Variants in ITGA2B observed in about 807,000 individuals in gnomAD.
ITGA2B encodes the protein integrin subunit alpha 2b.
Under a neutral mutation model 142.0 loss-of-function variants are expected in ITGA2B, and 91 were observed. That is an observed-to-expected ratio of 0.64 (90% confidence interval 0.54 to 0.76). The LOEUF (loss-of-function observed/expected upper bound fraction) is 0.76. Ranked by LOEUF, ITGA2B falls within the 30% of genes least tolerant of loss-of-function variation. The probability of loss-of-function intolerance (pLI) is 0.00; values close to 1 mark genes in which losing one functional copy is unlikely to be tolerated. For synonymous variants in ITGA2B, 536 were observed against 567.2 expected, an observed-to-expected ratio of 0.94 and a Z score of 0.78; for missense variants, 1,231 against 1,350.8, an observed-to-expected ratio of 0.91 and a Z score of 1.39.
chr17:44,377,558 C>G, intron 21 of ITGA2B, 140 bp downstream of exon 21: 1 of 695,956 alleles, frequency 1.4e-6, no homozygotes, highest in Non-Finnish European at 2.6e-6. Flanking sequence ...GGGAAAGTCA[C>G]TCACCCAAGG....
intron 7 of ITGA2B, 94 bp downstream of exon 7, chr17:44,384,854 G>A (rs1567904973): frequency 6.3e-7 from 1 of 1,588,712 alleles, no homozygotes; most frequent in Non-Finnish European, 8.6e-7. Flanking sequence ...TGGCCGGCAG[G>A]GGTGGCCATG....
chr17:44,382,389 T>C (rs1308159568), intron 12 of ITGA2B, among the ~76,000 whole-genome samples: 1 of 152,112 alleles, frequency 6.6e-6, no homozygotes, highest in African/African-American at 2.4e-5. Context: ...CAATTTTTCA[T>C]CTCCATTCAT....
At chr17:44,389,009 A>G (rs1331058024) in intron 1 of ITGA2B, among the ~76,000 whole-genome samples, 1 of 151,972 alleles carries the variant, frequency 6.6e-6, no homozygotes, top group Non-Finnish European at 1.5e-5. Flanking sequence ...GGTTCATACA[A>G]CTGACCCTTG....
chr17:44,384,335 G>C lies in ITGA2B; in HGVS notation c.867C>G (p.Pro289=), dbSNP rs1047920032. The C allele has an allele frequency of 1.2e-6, 2 of 1,613,640 alleles. No homozygotes were observed. Among genetic ancestry groups the C allele is most frequent in the Non-Finnish European group, 1.7e-6 (2 of 1,179,940 alleles). Residue 289 remains proline (P), a synonymous_variant, in exon 9 of 30, where the codon CCC becomes CCG. Transcript: ENST00000262407. ...LNTTEYVVGA[P]TWSWTLGAVE... ...CCGCTCCCAGGGTCCAGCTCCAAGT[G>C]GGGGCACCGACGACATATTCTGGCG...
intron 25 of ITGA2B, 56 bp downstream of exon 25, chr17:44,375,777 C>T (rs1453616037): frequency 1.3e-6 from 2 of 1,556,858 alleles, no homozygotes; most frequent in Non-Finnish European, 1.7e-6. Context: ...CACAGAGGTG[C>T]CCCGGTGGTT....
At position 44,385,920 on chromosome 17, in the gene ITGA2B, A is replaced by G; in HGVS notation, c.312T>C (p.Arg104=). The change falls in exon 3 of 30, where the codon CGT becomes CGC. Residue 104 remains arginine, a splice_region_variant and synonymous_variant. Transcript: ENST00000262407. The stretch of plus-strand genomic sequence containing the variant: ...GGGAGCCTACATTTCGGGTCTCATC[A>G]CCTGGAAGGCACAAGAAGGGGTGGG... The part of the protein sequence containing the change: ...GQCPSLLFDL[R]DETRNVGSQT... 1 of 1,613,360 alleles carries G rather than the reference A, an allele frequency of 6.2e-7. No homozygotes were observed.
chr17:44,377,225 T>C lies in ITGA2B; in HGVS notation c.2188-137A>G, dbSNP rs1487648945. The C allele has an allele frequency of 8.3e-6, 6 of 719,428 alleles. No homozygotes were observed. The African/African-American group carries it at 1.1e-4, about 13-fold the overall frequency. The allele number at this position is 719,428 out of a possible 1,614,324, so 44.6% of individuals were successfully genotyped here. A position where few individuals can be genotyped will look rare whatever the true frequency, so the allele number is the denominator to read the frequency against. The stretch of plus-strand genomic sequence containing the variant: ...TTTTTTTTTTTTCCGAGACGGAGTC[T>C]CACTCTGTCACCCAGGCTGGAGTGC... On this transcript the variant is annotated intron_variant, in intron 21 of 29. Coordinates refer to ENST00000262407, the MANE Select transcript of ITGA2B (RefSeq NM_000419.5).
chr17:44,384,798 G>C lies in ITGA2B; in HGVS notation c.799+150C>G, dbSNP rs891228942. 41 of 1,387,260 alleles carry C rather than the reference G, an allele frequency of 3.0e-5. No individual in the cohort carries two copies. The African/African-American group carries it at 5.4e-4, about 18-fold the overall frequency. 85.9% of individuals were successfully genotyped at this position (1,387,260 alleles called of 1,614,324 possible). On this transcript the variant is annotated intron_variant, in intron 7 of 29. Coordinates refer to ENST00000262407, the MANE Select transcript of ITGA2B (RefSeq NM_000419.5). Reference sequence around the variant, plus strand: ...GGCGCATGGGAGGTGGGCGGTCTGCGGGGAAGCCGCAGGAGCGGAGGGCGG... The same window carrying C: ...GGCGCATGGGAGGTGGGCGGTCTGCCGGGAAGCCGCAGGAGCGGAGGGCGG...
At chr17:44,374,162 T>TC (rs1196363156) in intron 29 of ITGA2B, 192 bp downstream of exon 29, 2 of 643,842 alleles carry the variant, frequency 3.1e-6, no homozygotes, top group African/African-American at 3.6e-5. Flanking sequence ...CGCTTTGGCC[T>TC]CCCAAAGTGC....
At chr17:44,374,315 T>G in intron 29 of ITGA2B, 39 bp downstream of exon 29, 1 of 1,580,842 alleles carries the variant, frequency 6.3e-7, no homozygotes, top group South Asian at 1.1e-5. Context: ...GAGCCAAGCC[T>G]GTGCCCCGCT....
At position 44,378,435 on chromosome 17, in the gene ITGA2B, C is replaced by T; in HGVS notation, c.2021G>A (p.Gly674Glu). Residue 674 changes from glycine to glutamate, a missense_variant, in exon 20 of 30, where the codon GGG becomes GAG. Gly to Glu is a moderately conservative substitution (Grantham distance 98). Coordinates refer to ENST00000262407, the MANE Select transcript of ITGA2B (RefSeq NM_000419.5). ...LQMDAANEGEGAYEAELAVHL... is the reference protein window; with the variant it reads ...LQMDAANEGEEAYEAELAVHL... The stretch of plus-strand genomic sequence containing the variant: ...CACGGCCAGCTCTGCTTCATAGGCC[C>T]CCTCGCCCTCGTTGGCTGCGTCCAT... The T allele has an allele frequency of 1.2e-6, 2 of 1,613,424 alleles. No individual in the cohort carries two copies. The highest frequency in any genetic ancestry group is 2.2e-5 in the South Asian group (2 of 90,770).
intron 1 of ITGA2B, among the ~76,000 whole-genome samples, chr17:44,388,517 C>T (rs942088081): frequency 2.7e-5 from 4 of 150,414 alleles, no homozygotes; most frequent in African/African-American, 7.3e-5. Context: ...GCACCACGCC[C>T]GGCTAATTTT....
chr17:44,376,040 T>C, intron 24 of ITGA2B, 45 bp downstream of exon 24: 1 of 1,614,108 alleles, frequency 6.2e-7, no homozygotes, highest in Non-Finnish European at 8.5e-7. Flanking sequence ...CCCGGAGTTC[T>C]GAGGACCCGC....
intron 9 of ITGA2B, 25 bp from the exon 10 acceptor site, chr17:44,384,163 C>A: frequency 6.3e-7 from 1 of 1,587,788 alleles, no homozygotes; most frequent in South Asian, 1.1e-5. Flanking sequence ...CAGGCGAGAG[C>A]ATCATTCTTG....
At position 44,375,922 on chromosome 17, in the gene ITGA2B, A is replaced by G; in HGVS notation, c.2512T>C (p.Ser838Pro). Residue 838 changes from serine (S) to proline (P), a missense_variant, in exon 25 of 30, where the codon TCC becomes CCC. Physicochemically the swap from Ser to Pro is moderately conservative, Grantham distance 74. Transcript: ENST00000262407. ...LHLSIHLPGQ[S>P]QPSDLLYILD... ...ATGTAGAGCAGGTCGGAGGGCTGGGACTGTCCCGGAAGGTGGATGCTGAGG... is the reference window on the plus strand; with the variant it reads ...ATGTAGAGCAGGTCGGAGGGCTGGGGCTGTCCCGGAAGGTGGATGCTGAGG... 6.2e-7 allele frequency: 1 copy of G among 1,613,724 alleles called. No homozygotes were observed.
intron 4 of ITGA2B, 50 bp downstream of exon 4, chr17:44,385,501 G>C: frequency 6.5e-7 from 1 of 1,532,790 alleles, no homozygotes. Flanking sequence ...CGATGGGGGC[G>C]GGGCCAAGCC....
rs376428326 is a variant in ITGA2B at position 44,385,473 on chromosome 17, G to A, written c.574+78C>T. 1.4e-5 allele frequency: 22 copies of A among 1,525,302 alleles called. No individual in the cohort carries two copies. The East Asian group carries it at 3.9e-4, about 27-fold the overall frequency. 94.5% of individuals were successfully genotyped at this position (1,525,302 alleles called of 1,614,324 possible). A position where few individuals can be genotyped will look rare whatever the true frequency, so the allele number is the denominator to read the frequency against. ...AGGCCAGATCCAAAGCAAGGGCTGC[G>A]GCGCTGGGGGCGGGATCCGATGGGG... On this transcript the variant is annotated intron_variant, in intron 4 of 29. Transcript: ENST00000262407.
At chr17:44,385,498 G>T in intron 4 of ITGA2B, 53 bp downstream of exon 4, 1 of 1,532,388 alleles carries the variant, frequency 6.5e-7, no homozygotes, top group Non-Finnish European at 8.7e-7. Context: ...ATCCGATGGG[G>T]GCGGGGCCAA....
intron 12 of ITGA2B, among the ~76,000 whole-genome samples, chr17:44,381,947 CCTT>C (rs2048601201): frequency 6.6e-6 from 1 of 152,122 alleles, no homozygotes; most frequent in African/African-American, 2.4e-5. Flanking sequence ...CTATTTCTAG[CCTT>C]CTCCATTCCA....
Sources: allele counts gnomAD v4.1 joint callset (sites outside exome capture counted in the v4.1 genomes callset), GRCh38; gene constraint gnomAD v4.1.1; transcripts MANE v1.5; gene names NCBI Gene and HGNC (gene_info 2026-07-23, HGNC 2026-07-21).